Variants in UNC13C observed in about 807,000 individuals in gnomAD.
UNC13C encodes unc-13 homolog C.
Under a neutral mutation model 245.4 loss-of-function variants are expected in UNC13C, and 174 were observed. The ratio of observed to expected loss-of-function variants is 0.71; its 90% CI spans 0.63 to 0.80. The LOEUF (loss-of-function observed/expected upper bound fraction) is 0.80, where lower values mean the gene tolerates loss of function less well. Ranked by LOEUF, UNC13C falls within the 30% of genes least tolerant of loss-of-function variation. The probability of loss-of-function intolerance (pLI) is 0.00; values close to 1 mark genes in which losing one functional copy is unlikely to be tolerated. For missense variants in UNC13C, 2,829 were observed against 2,602.9 expected, an observed-to-expected ratio of 1.09 and a Z score of -1.89; for synonymous variants, 992 against 895.1, an observed-to-expected ratio of 1.11 and a Z score of -1.93.
At chr15:54,055,720 A>G (rs979292758) in intron 2 of UNC13C, among the ~76,000 whole-genome samples, 7 of 152,180 alleles carry the variant, frequency 4.6e-5, no homozygotes, top group Non-Finnish European at 1.0e-4. Flanking sequence ...GAATAAATTT[A>G]TCCCTACATT....
At chr15:54,143,523 G>A in intron 3 of UNC13C, 97 bp from the exon 4 acceptor site, 1 of 865,002 alleles carries the variant, frequency 1.2e-6, no homozygotes, top group Non-Finnish European at 1.9e-6. Context: ...GGTGTTACGT[G>A]TGTAGTGCAG....
chr15:54,491,725 G>C (rs994087358), intron 19 of UNC13C, among the ~76,000 whole-genome samples: 13 of 152,038 alleles, frequency 8.6e-5, no homozygotes, highest in African/African-American at 3.1e-4. Context: ...ACACCTGGCC[G>C]GGCACGGTGG....
intron 7 of UNC13C, 102 bp downstream of exon 7, chr15:54,237,792 A>G: frequency 9.9e-7 from 1 of 1,011,390 alleles, no homozygotes; most frequent in Non-Finnish European, 1.5e-6. Context: ...GTTTAGTCCA[A>G]TGTTCCAGAA....
chr15:54,578,188 G>A (rs1898040720), intron 30 of UNC13C, among the ~76,000 whole-genome samples: 1 of 152,192 alleles, frequency 6.6e-6, no homozygotes, highest in Non-Finnish European at 1.5e-5. Context: ...TCACAGCATA[G>A]AATAAGCACA....
the UNC13C span, among the ~76,000 whole-genome samples, chr15:53,860,677 C>G: frequency 1.3e-5 from 2 of 152,196 alleles, no homozygotes; most frequent in Non-Finnish European, 2.9e-5. Flanking sequence ...ACCATTCACT[C>G]TTCGTATAAC....
intron 30 of UNC13C, among the ~76,000 whole-genome samples, chr15:54,608,258 T>A (rs143983936): frequency 6.6e-6 from 1 of 152,344 alleles, no homozygotes; most frequent in East Asian, 1.9e-4. Context: ...GGAATTAACA[T>A]TTATAAGCAC....
rs190451411 is a variant in UNC13C, at chr15:54,037,574, T to A, written c.2983+21688T>A. ...TACATCAAAATGAATTTATATATAT[T>A]TTTTTAAATTACGCTAGTATCTATA... On this transcript the variant is annotated intron_variant, in intron 2 of 32. Coordinates refer to ENST00000260323, the MANE Select transcript of UNC13C (RefSeq NM_001080534.3). 4.4e-3 allele frequency among the ~76,000 whole-genome samples: 671 copies of A among 152,242 alleles called. 4 individuals carry two copies. The highest frequency in any genetic ancestry group is 9.8e-3 in the East Asian group (51 of 5,190).
Position 54,143,905 on chromosome 15 carries a change from A to G in UNC13C, c.3071+221A>G, listed in dbSNP as rs75126559. On this transcript the variant is annotated intron_variant, in intron 4 of 32. Transcript: ENST00000260323. ...TATGAATATGTATATGATTATATAT[A>G]TAAGTCAAAATCAACTAACCAGTTT... 7.3e-3 allele frequency among the ~76,000 whole-genome samples: 947 copies of G among 129,712 alleles called. 14 individuals carry two copies. The highest frequency in any genetic ancestry group is 0.022 in the African/African-American group (908 of 41,004). The allele number at this position is 129,712 out of a possible 152,430, so 85.1% of individuals were successfully genotyped here. A position where few individuals can be genotyped will look rare whatever the true frequency, so the allele number is the denominator to read the frequency against.
intron 29 of UNC13C, among the ~76,000 whole-genome samples, chr15:54,559,250 C>A (rs1851008): frequency 0.3 from 45,787 of 151,746 alleles, 7,747 homozygotes; most frequent in East Asian, 0.53. Flanking sequence ...TAGATAATAC[C>A]ATTTCTTATG....
Position 54,013,102 on chromosome 15 carries a change from G to T in UNC13C, c.199G>T (p.Ala67Ser), listed in dbSNP as rs772280621. ...YTFKSTVKKI[A>S]KCSSTHNLST... ...TTTTAAAAGCACTGTAAAGAAGATT[G>T]CAAAGTGTTCATCCACTCACAACTT... Residue 67 changes from alanine to serine, a missense_variant, in exon 2 of 33, where the codon GCA (alanine) becomes TCA (serine). By Grantham distance (99) the Ala-to-Ser change is moderately conservative. Transcript: ENST00000260323. 42 of 1,613,726 alleles carry T rather than the reference G, an allele frequency of 2.6e-5. No homozygotes were observed. The highest frequency in any genetic ancestry group is 3.6e-5 in the Non-Finnish European group (42 of 1,179,848).
At chr15:54,171,921 G>C (rs1238469194) in intron 4 of UNC13C, among the ~76,000 whole-genome samples, 2 of 152,068 alleles carry the variant, frequency 1.3e-5, no homozygotes, top group African/African-American at 4.8e-5. Context: ...GTATTATTGA[G>C]CCATGAAAAA....
At position 54,604,132 on chromosome 15, in the gene UNC13C, C is replaced by G. The variant is rs1039955714; in HGVS notation, c.6107-18195C>G. 3.9e-5 allele frequency among the ~76,000 whole-genome samples: 6 copies of G among 152,178 alleles called. 1 individual carries two copies. The South Asian group carries it at 1.0e-3, about 26-fold the overall frequency. ...ATGCCCATTTCTTTTTGGAGGTGGC[C>G]TTTTCTTCACCCTACAGTGGACTGG... On this transcript the variant is annotated intron_variant, in intron 30 of 32. Coordinates refer to ENST00000260323, the MANE Select transcript of UNC13C (RefSeq NM_001080534.3).
intron 4 of UNC13C, among the ~76,000 whole-genome samples, chr15:54,154,844 G>A (rs1312224424): frequency 1.3e-5 from 2 of 152,166 alleles, no homozygotes; most frequent in Admixed American, 6.5e-5. Context: ...TGGACAGAAC[G>A]TGGATCATTG....
At chr15:54,195,953 C>G (rs1371159905) in intron 4 of UNC13C, among the ~76,000 whole-genome samples, 1 of 152,008 alleles carries the variant, frequency 6.6e-6, no homozygotes. Flanking sequence ...TTACTGACAC[C>G]TTGAATATGT....
intron 24 of UNC13C, among the ~76,000 whole-genome samples, chr15:54,524,230 T>C (rs1053854157): frequency 6.7e-6 from 1 of 149,626 alleles, no homozygotes; most frequent in Non-Finnish European, 1.5e-5. Context: ...CTCTATCTGT[T>C]ATGATATGTT....
chr15:54,035,381 C>A (rs1023239989), intron 2 of UNC13C, among the ~76,000 whole-genome samples: 1 of 152,002 alleles, frequency 6.6e-6, no homozygotes, highest in Non-Finnish European at 1.5e-5. Context: ...TTCTAAACAT[C>A]ATAGGCATGC....
intron 2 of UNC13C, among the ~76,000 whole-genome samples, chr15:54,109,380 C>A (rs554558474): frequency 3.0e-5 from 4 of 131,328 alleles, no homozygotes; most frequent in Non-Finnish European, 6.3e-5. Flanking sequence ...CTTGCTCTGT[C>A]GCCCAGGCTA....
intron 2 of UNC13C, among the ~76,000 whole-genome samples, chr15:54,130,274 A>G (rs550106634): frequency 3.9e-4 from 57 of 146,972 alleles, no homozygotes; most frequent in East Asian, 4.0e-4. Flanking sequence ...CTTCGTGGCC[A>G]GGTAGATAAT....
At chr15:54,011,228 G>A (rs1895368913) in intron 1 of UNC13C, among the ~76,000 whole-genome samples, 1 of 152,178 alleles carries the variant, frequency 6.6e-6, no homozygotes, top group South Asian at 2.1e-4. Context: ...ACCTGTTCCT[G>A]AGTTTGCATT....
Sources: allele counts gnomAD v4.1 joint callset (sites outside exome capture counted in the v4.1 genomes callset), GRCh38; gene constraint gnomAD v4.1.1; transcripts MANE v1.5; gene names NCBI Gene and HGNC (gene_info 2026-07-23, HGNC 2026-07-21).